Variants in PCDHA5 observed in about 807,000 individuals in gnomAD.
The protein encoded by PCDHA5 is protocadherin alpha-5.
A neutral mutation model predicts 61.6 loss-of-function variants in PCDHA5; 43 were observed. The observed-to-expected ratio is 0.70, with a 90% CI of 0.55 to 0.90. The LOEUF (loss-of-function observed/expected upper bound fraction) is 0.90. PCDHA5 is among the 40% of genes least tolerant of loss of function. The pLI is 0.00. For missense variants in PCDHA5, 1,298 were observed against 1,222.7 expected (o/e 1.06, Z -0.92); for synonymous variants, 627 against 543.9 (o/e 1.15, Z -2.13).
chr5:140,851,932 TGTA>T lies in PCDHA5; in HGVS notation c.2352+27809_2352+27811del. ...TCACTACATGTTATGTTTCCTGAAT[TGTA>T]GTATGTGACTTTCAAAATGGTGGTT... On this transcript the variant is annotated intron_variant, in intron 1 of 3. Transcript: ENST00000529859. 5.2e-6 allele frequency: 5 copies of T among 965,638 alleles called. 1 individual carries two copies. The highest frequency in any genetic ancestry group is 5.0e-6 in the Non-Finnish European group (4 of 798,866). The allele number at this position is 965,638 out of a possible 1,614,324, so 59.8% of individuals were successfully genotyped here. A position where few individuals can be genotyped will look rare whatever the true frequency, so the allele number is the denominator to read the frequency against.
At chr5:140,949,584 A>T (rs1313706016) in intron 1 of PCDHA5, among the ~76,000 whole-genome samples, 5 of 151,722 alleles carry the variant, frequency 3.3e-5, no homozygotes, top group Admixed American at 6.6e-5. Context: ...CTTTTGTGTG[A>T]TATTAATGTG....
rs1190939164 is a variant in PCDHA5, at chr5:140,968,882, C to T, written c.2353-10067C>T. ...CCCTCGGACATACTCTGAAATTACC[C>T]TTTATCTAATAATAGCATTAAGCAC... On this transcript the variant is annotated intron_variant, in intron 1 of 3. Transcript: ENST00000529859. 6 of 1,614,066 alleles carry T rather than the reference C, an allele frequency of 3.7e-6. No individual in the cohort carries two copies. The African/African-American group carries it at 6.7e-5, about 18-fold the overall frequency.
rs149179821 is a variant in PCDHA5 at position 141,012,224 on chromosome 5, C to T, written c.*2287C>T. 2 of 153,832 alleles carry T rather than the reference C, an allele frequency of 1.3e-5. No homozygotes were observed. Among genetic ancestry groups the T allele is most frequent in the East Asian group, 3.9e-4 (2 of 5,184 alleles). 9.5% of individuals were successfully genotyped at this position (153,832 alleles called of 1,614,324 possible). On this transcript the variant is annotated 3_prime_UTR_variant, in exon 4 of 4. Coordinates refer to ENST00000529859, the MANE Select transcript of PCDHA5 (RefSeq NM_018908.3). ...CTTTTTACATTTGCGAAGTGCTTTC[C>T]AATCCATGTTAGTTACTAGTTATTA...
intron 1 of PCDHA5, chr5:140,836,293 T>C (rs2150257030): frequency 1.2e-6 from 2 of 1,613,634 alleles, no homozygotes; most frequent in African/African-American, 2.7e-5. Flanking sequence ...ACACGAGCCC[T>C]AGATGAGACG....
intron 1 of PCDHA5, chr5:140,853,828 C>T: frequency 2.0e-6 from 2 of 986,484 alleles, no homozygotes; most frequent in South Asian, 9.5e-5. Flanking sequence ...TCTCATACAA[C>T]CGAAATTTTA....
chr5:140,903,840 T>C (rs2070655374), intron 1 of PCDHA5, among the ~76,000 whole-genome samples: 1 of 152,196 alleles, frequency 6.6e-6, no homozygotes, highest in African/African-American at 2.4e-5. Flanking sequence ...GGTATTTTCA[T>C]TTATCTTAAC....
At chr5:140,925,176 A>G (rs187925786) in intron 1 of PCDHA5, among the ~76,000 whole-genome samples, 2 of 152,236 alleles carry the variant, frequency 1.3e-5, no homozygotes, top group African/African-American at 2.4e-5. Context: ...ATTGACCCCA[A>G]TGTACCATCA....
chr5:140,905,086 G>A (rs1454643340), intron 1 of PCDHA5, among the ~76,000 whole-genome samples: 1 of 152,056 alleles, frequency 6.6e-6, no homozygotes, highest in Non-Finnish European at 1.5e-5. Flanking sequence ...CTTTCTTTTG[G>A]GTTCTCAGTC....
At chr5:140,927,601 G>A (rs1490799029) in intron 1 of PCDHA5, 1 of 1,614,198 alleles carries the variant, frequency 6.2e-7, no homozygotes, top group Non-Finnish European at 8.5e-7. Flanking sequence ...TGAGCGCTCC[G>A]TATACCGCAC....
intron 1 of PCDHA5, chr5:140,857,810 C>T (rs1411794040): frequency 1.9e-6 from 3 of 1,597,674 alleles, no homozygotes; most frequent in Non-Finnish European, 2.6e-6. Context: ...GGTTGCGGGT[C>T]ACGTGGTGGC....
At chr5:140,971,096 A>G (rs1240805149) in intron 1 of PCDHA5, among the ~76,000 whole-genome samples, 1 of 152,180 alleles carries the variant, frequency 6.6e-6, no homozygotes, top group African/African-American at 2.4e-5. Context: ...ATTCTTGTGA[A>G]GCCCTTTGGG....
intron 1 of PCDHA5, chr5:140,868,839 C>T (rs1442886604): frequency 4.6e-6 from 2 of 432,190 alleles, no homozygotes; most frequent in East Asian, 3.8e-5. Flanking sequence ...ACCCAAAACA[C>T]GTGAAATTCT....
chr5:140,830,913 T>G (rs1357987465), intron 1 of PCDHA5: 2 of 152,364 alleles, frequency 1.3e-5, no homozygotes, highest in African/African-American at 4.8e-5. Flanking sequence ...CACTTTCCAT[T>G]TCAATGTTTT....
At chr5:140,853,130 C>T in intron 1 of PCDHA5, 1 of 617,250 alleles carries the variant, frequency 1.6e-6, no homozygotes, top group Non-Finnish European at 2.1e-6. Context: ...CCTCCCGCCT[C>T]AGCCTCCCAA....
intron 3 of PCDHA5, among the ~76,000 whole-genome samples, chr5:140,983,660 A>G (rs1460631508): frequency 6.6e-6 from 1 of 152,244 alleles, no homozygotes; most frequent in African/African-American, 2.4e-5. Context: ...TAAGTGGCAG[A>G]GGGTAGGATT....
chr5:140,888,754 C>CT lies in PCDHA5; in HGVS notation c.2352+64637dup, dbSNP rs782694187. Reference sequence around the variant, plus strand: ...TGAGCTCTAGGAATTATTCTACCCACTTTTTTTTTTAATTTTGAAGGGATA... The same window carrying CT: ...TGAGCTCTAGGAATTATTCTACCCACTTTTTTTTTTTAATTTTGAAGGGATA... On this transcript the variant is annotated intron_variant, in intron 1 of 3. Transcript: ENST00000529859. 7.0e-3 allele frequency among the ~76,000 whole-genome samples: 1,040 copies of CT among 148,666 alleles called. 3 individuals are homozygous for CT. The highest frequency in any genetic ancestry group is 0.038 in the Middle Eastern group (11 of 290).
intron 1 of PCDHA5, chr5:140,853,873 G>T (rs1238273560): frequency 1.0e-6 from 1 of 983,500 alleles, no homozygotes; most frequent in Non-Finnish European, 1.2e-6. Context: ...GACAGTGCAA[G>T]TTTCTGTAAT....
intron 1 of PCDHA5, among the ~76,000 whole-genome samples, chr5:140,846,605 ACCT>A (rs1246547204): frequency 6.7e-6 from 1 of 148,178 alleles, no homozygotes; most frequent in East Asian, 1.9e-4. Context: ...CGATCTCCTG[ACCT>A]CCTGATCCGC....
chr5:140,862,711 G>T, intron 1 of PCDHA5: 2 of 561,474 alleles, frequency 3.6e-6, no homozygotes, highest in Admixed American at 3.8e-5. Flanking sequence ...ACAGCGGGTG[G>T]GCGAGTGCGC....
Sources: gnomAD v4.1 joint callset for allele counts (sites outside exome capture counted in the v4.1 genomes callset) on GRCh38, gnomAD v4.1.1 for gene constraint, MANE v1.5 for transcripts, NCBI Gene and HGNC (gene_info 2026-07-23, HGNC 2026-07-21) for gene names.